The following ATF7 variants were observed in gnomAD, a reference collection of about 807,000 sequenced individuals.
ATF7 encodes cyclic AMP-dependent transcription factor ATF-7.
Under a neutral mutation model 50.4 loss-of-function variants are expected in ATF7, and 10 were observed. The ratio of observed to expected loss-of-function variants is 0.20; its 90% CI spans 0.12 to 0.34. The LOEUF is 0.34. ATF7 is among the 10% of genes least tolerant of loss of function. The probability of loss-of-function intolerance (pLI) is 1.00; values close to 1 mark genes in which losing one functional copy is unlikely to be tolerated. For missense variants in ATF7, 465 were observed against 613.9 expected, an observed-to-expected ratio of 0.76 and a Z score of 2.56; for synonymous variants, 201 against 226.4, an observed-to-expected ratio of 0.89 and a Z score of 1.01.
In ATF7 at chr12:53,608,533, T is replaced by C. The variant is rs1943711904; in HGVS notation, c.-21-7512A>G. On this transcript the variant is annotated intron_variant, in intron 1 of 11. Transcript: ENST00000420353. ...TTTGAATGCTTCCTAACAACAATTA[T>C]GCTTATATCAGACAATCAGAAATTG... Among the ~76,000 whole-genome samples the C allele has an allele frequency of 9.2e-5, 14 of 152,250 alleles. No individual in the cohort carries two copies. The South Asian group carries it at 2.9e-3, about 32-fold the overall frequency.
At chr12:53,592,973 T>C (rs1419349166) in intron 2 of ATF7, among the ~76,000 whole-genome samples, 3 of 152,206 alleles carry the variant, frequency 2.0e-5, no homozygotes, top group African/African-American at 7.2e-5. Context: ...GCCTGACATT[T>C]AACCAAATGT....
chr12:53,622,972 C>T (rs561817724), intron 1 of ATF7, among the ~76,000 whole-genome samples: 2 of 152,264 alleles, frequency 1.3e-5, no homozygotes, highest in Admixed American at 6.5e-5. Flanking sequence ...TCTGTGATCA[C>T]GTCACTTGCA....
At chr12:53,574,875 G>T in intron 2 of ATF7, 1 of 353,722 alleles carries the variant, frequency 2.8e-6, no homozygotes. Flanking sequence ...TCAAGATGGG[G>T]AGCATTCAAG....
intron 2 of ATF7, among the ~76,000 whole-genome samples, chr12:53,587,845 T>TATATATATATA (rs201911747): frequency 2.1e-3 from 66 of 31,632 alleles, no homozygotes; most frequent in Non-Finnish European, 3.7e-3. Context: ...ATATATATAT[T>TATATATATATA]TTTTTTTTTT....
intron 2 of ATF7, among the ~76,000 whole-genome samples, chr12:53,595,725 A>G (rs983423735): frequency 1.3e-5 from 2 of 152,208 alleles, no homozygotes; most frequent in Non-Finnish European, 2.9e-5. Context: ...TTATATGACA[A>G]GATAAGGAGG....
intron 1 of ATF7, among the ~76,000 whole-genome samples, chr12:53,621,097 T>C (rs1384101190): frequency 6.6e-6 from 1 of 152,230 alleles, no homozygotes; most frequent in East Asian, 1.9e-4. Context: ...ATTTTCTTTT[T>C]TGACAGGGTC....
chr12:53,531,788 T>C lies in ATF7; in HGVS notation c.883A>G (p.Ile295Val), dbSNP rs1318973503. Residue 295 changes from isoleucine (I) to valine (V), a missense_variant, in exon 9 of 12, where the codon ATT (isoleucine) becomes GTT (valine). Transcript: ENST00000420353. ...GGGGCATCAGGGTGCTGGATGAGAA[T>C]CTGGCTCTGCTCTGGGCGGGCTGTC... ...MVTARPEQSQ[I>V]LIQHPDAPSP... is the part of the protein sequence containing the mutation. The C allele has an allele frequency of 1.1e-5, 17 of 1,612,430 alleles. No homozygotes were observed. The highest frequency in any genetic ancestry group is 1.4e-5 in the Non-Finnish European group (17 of 1,179,516).
intron 1 of ATF7, among the ~76,000 whole-genome samples, chr12:53,612,879 C>A (rs1943955811): frequency 6.6e-6 from 1 of 152,130 alleles, no homozygotes. Context: ...TAGCGCGCAC[C>A]TGTAGTCCCT....
At chr12:53,550,195 G>A (rs977611590) in intron 3 of ATF7, among the ~76,000 whole-genome samples, 61 of 151,720 alleles carry the variant, frequency 4.0e-4, no homozygotes, top group African/African-American at 1.4e-3. Context: ...GTAGTGGTGC[G>A]CGCCTACAAT....
chr12:53,527,078 G>C (rs534712524), intron 9 of ATF7, among the ~76,000 whole-genome samples: 18 of 151,962 alleles, frequency 1.2e-4, no homozygotes, highest in Admixed American at 4.6e-4. Context: ...AGAATCGGTT[G>C]AACCTGGGAG....
intron 1 of ATF7, among the ~76,000 whole-genome samples, chr12:53,606,070 C>G (rs1332898164): frequency 6.6e-6 from 1 of 151,898 alleles, no homozygotes; most frequent in African/African-American, 2.4e-5. Context: ...CTTTTGTCAC[C>G]CAAATAACAT....
intron 6 of ATF7, among the ~76,000 whole-genome samples, chr12:53,533,869 A>G (rs1478208803): frequency 6.6e-6 from 1 of 152,234 alleles, no homozygotes; most frequent in African/African-American, 2.4e-5. Context: ...TCAGTGTTTC[A>G]TTCAGTAGTA....
At chr12:53,552,665 A>AAAAAAC in intron 2 of ATF7, 28 bp from the exon 3 acceptor site, 8 of 1,584,960 alleles carry the variant, frequency 5.0e-6, no homozygotes, top group South Asian at 1.1e-5. Context: ...TGGAGATATG[A>AAAAAAC]AAAAACAAAA....
chr12:53,617,953 ATG>A (rs1944213105), intron 1 of ATF7, among the ~76,000 whole-genome samples: 1 of 152,106 alleles, frequency 6.6e-6, no homozygotes, highest in East Asian at 1.9e-4. Context: ...ACAAAATACT[ATG>A]ATTTAACAGG....
chr12:53,548,389 T>C (rs1385501446), intron 3 of ATF7, among the ~76,000 whole-genome samples: 1 of 152,190 alleles, frequency 6.6e-6, no homozygotes, highest in Non-Finnish European at 1.5e-5. Context: ...GTGAATGCAG[T>C]GGCATGATCA....
rs1347860093 is a variant in ATF7, at chr12:53,514,840, G to A, written c.*2297C>T. The A allele has an allele frequency of 6.6e-6, 1 of 152,188 alleles. No homozygotes were observed. Among genetic ancestry groups the A allele is most frequent in the Non-Finnish European group, 1.5e-5 (1 of 68,038 alleles). 9.4% of individuals were successfully genotyped at this position (152,188 alleles called of 1,614,324 possible). A position where few individuals can be genotyped will look rare whatever the true frequency, so the allele number is the denominator to read the frequency against. ...CTTGACTGAAGGGGGAAGAAAAATA[G>A]TCAAGAGTCTTAGGAAAGCTCCTTA... On this transcript the variant is annotated 3_prime_UTR_variant, in exon 12 of 12. Transcript: ENST00000420353.
rs546073151 is a variant in ATF7 at position 53,521,235 on chromosome 12, G to A, written c.1234+2041C>T. Among the ~76,000 whole-genome samples, 7 of 152,068 alleles carry A rather than the reference G, an allele frequency of 4.6e-5. No individual in the cohort carries two copies. In the South Asian group the frequency reaches 1.5e-3, roughly 32 times the overall value. On this transcript the variant is annotated intron_variant, in intron 11 of 11. Transcript: ENST00000420353. ...TCGAACTCTCGACCTCAGGTGATAC[G>A]CCTGCCTTGGCCTCCCAAAGTGCTG... is the stretch of plus-strand genomic sequence containing the variant.
rs1942610417 is a variant in ATF7, at chr12:53,585,055, C to A, written c.48+15898G>T. Among the ~76,000 whole-genome samples the A allele has an allele frequency of 2.0e-5, 3 of 152,172 alleles. No homozygotes were observed. In the South Asian group the frequency reaches 6.2e-4, roughly 32 times the overall value. On this transcript the variant is annotated intron_variant, in intron 2 of 11. Coordinates refer to ENST00000420353, the MANE Select transcript of ATF7 (RefSeq NM_006856.3). The stretch of plus-strand genomic sequence containing the variant: ...TGGCACAATCATGGCTCACTGCAGC[C>A]TTGACCTCCCGGGCTCAAGCAGTCC...
chr12:53,558,499 T>G (rs1312869871), intron 2 of ATF7, among the ~76,000 whole-genome samples: 1 of 152,210 alleles, frequency 6.6e-6, no homozygotes, highest in Non-Finnish European at 1.5e-5. Context: ...GCAAAAAACT[T>G]CCAGCCTCAT....
Sources: allele counts gnomAD v4.1 joint callset (sites outside exome capture counted in the v4.1 genomes callset), GRCh38; gene constraint gnomAD v4.1.1; transcripts MANE v1.5; gene names NCBI Gene and HGNC (gene_info 2026-07-23, HGNC 2026-07-21).